Variants in PRELID2 observed in about 807,000 individuals in gnomAD.
PRELID2 encodes the protein PRELI domain-containing protein 2.
A neutral mutation model predicts 28.4 loss-of-function variants in PRELID2; 25 were observed. The ratio of observed to expected loss-of-function variants is 0.88; its 90% CI spans 0.64 to 1.23. The LOEUF (loss-of-function observed/expected upper bound fraction) is 1.23, where lower values mean the gene tolerates loss of function less well. PRELID2 is among the 50% of genes most tolerant of loss of function. PRELID2 has a pLI of 0.00. For missense variants in PRELID2, 201 were observed against 214.4 expected (o/e 0.94, Z 0.39); for synonymous variants, 76 against 71.6 (o/e 1.06, Z -0.31).
intron 1 of PRELID2, among the ~76,000 whole-genome samples, chr5:145,514,916 T>A (rs529437423): frequency 1.3e-5 from 2 of 152,198 alleles, no homozygotes; most frequent in East Asian, 3.9e-4. Flanking sequence ...ACTGGGTAAA[T>A]AACAAAATTA....
the PRELID2 span, among the ~76,000 whole-genome samples, chr5:145,392,814 C>T: frequency 1.3e-5 from 2 of 152,112 alleles, no homozygotes; most frequent in African/African-American, 2.4e-5. Flanking sequence ...GAATGTTCTT[C>T]CAAGTAAACT....
At chr5:145,229,649 C>T in the PRELID2 span, 1 of 871,336 alleles carries the variant, frequency 1.1e-6, no homozygotes, top group Non-Finnish European at 1.9e-6. Flanking sequence ...AGACAAAGGC[C>T]CAAGGTATCT....
At chr5:145,666,417 T>C (rs1754596197) in intron 1 of PRELID2, among the ~76,000 whole-genome samples, 2 of 151,942 alleles carry the variant, frequency 1.3e-5, no homozygotes, top group African/African-American at 4.8e-5. Context: ...TGGGAAAGAC[T>C]AGCTTCACCA....
At chr5:145,754,244 C>T (rs1164679145), downstream of PRELID2, 1 of 152,196 alleles carries the variant, frequency 6.6e-6, no homozygotes, top group Non-Finnish European at 1.5e-5. Context: ...GCTATTATCT[C>T]ACCAAAGGTA....
chr5:145,692,558 T>C (rs1224198776), intron 1 of PRELID2, among the ~76,000 whole-genome samples: 2 of 152,174 alleles, frequency 1.3e-5, no homozygotes, highest in African/African-American at 4.8e-5. Context: ...AAAGGTGACA[T>C]TTTGTCTAAC....
the PRELID2 span, among the ~76,000 whole-genome samples, chr5:145,440,002 C>T: frequency 6.6e-6 from 1 of 152,106 alleles, no homozygotes; most frequent in Non-Finnish European, 1.5e-5. Flanking sequence ...AGCTCTGTAT[C>T]TTCCAGGGAA....
the PRELID2 span, among the ~76,000 whole-genome samples, chr5:145,383,226 A>AAT: frequency 1.3e-5 from 2 of 151,554 alleles, no homozygotes; most frequent in East Asian, 1.9e-4. Context: ...CTTACACTCA[A>AAT]ATATATATAT....
chr5:145,455,610 T>C, the PRELID2 span, among the ~76,000 whole-genome samples: 1 of 152,200 alleles, frequency 6.6e-6, no homozygotes, highest in Non-Finnish European at 1.5e-5. Flanking sequence ...TGTGTCCTCT[T>C]CTATTTCCTT....
the PRELID2 span, among the ~76,000 whole-genome samples, chr5:145,390,565 A>G: frequency 6.6e-6 from 1 of 152,166 alleles, no homozygotes; most frequent in Non-Finnish European, 1.5e-5. Context: ...TCCTCCCACC[A>G]CAGGTGGGGA....
chr5:145,383,926 G>A, the PRELID2 span, among the ~76,000 whole-genome samples: 2 of 151,998 alleles, frequency 1.3e-5, no homozygotes, highest in African/African-American at 4.8e-5. Flanking sequence ...ATGTATGTGT[G>A]TGTATATATA....
intron 1 of PRELID2, among the ~76,000 whole-genome samples, chr5:145,667,548 C>A (rs939118016): frequency 6.6e-6 from 1 of 152,144 alleles, no homozygotes; most frequent in Middle Eastern, 3.4e-3. Flanking sequence ...CAGTGAGTGA[C>A]AGAGTCATCA....
the PRELID2 span, among the ~76,000 whole-genome samples, chr5:145,377,429 A>T: frequency 1.5e-3 from 233 of 152,066 alleles, no homozygotes; most frequent in African/African-American, 5.4e-3. Flanking sequence ...CAGGTCCTGA[A>T]TATCTTTGTG....
intron 5 of PRELID2, among the ~76,000 whole-genome samples, chr5:145,772,810 G>A (rs999841664): frequency 6.6e-6 from 1 of 152,140 alleles, no homozygotes; most frequent in South Asian, 2.1e-4. Context: ...TAATAAATAA[G>A]TCAGGTATTT....
At chr5:145,811,104 A>C (rs931182868) in intron 4 of PRELID2, among the ~76,000 whole-genome samples, 1 of 148,556 alleles carries the variant, frequency 6.7e-6, no homozygotes, top group Admixed American at 6.7e-5. Context: ...AAAAAAAAAA[A>C]AAAAAAAAAA....
chr5:145,816,841 AT>A (rs2149856266), intron 4 of PRELID2, among the ~76,000 whole-genome samples: 1 of 152,256 alleles, frequency 6.6e-6, no homozygotes, highest in South Asian at 2.1e-4. Context: ...TATGCAAATA[AT>A]ATCTCAATAA....
At chr5:145,640,208 C>T (rs544387973) in intron 1 of PRELID2, among the ~76,000 whole-genome samples, 6 of 151,820 alleles carry the variant, frequency 4.0e-5, no homozygotes, top group African/African-American at 4.8e-5. Flanking sequence ...GGCCGGCGGC[C>T]GGGCGCGGTG....
At chr5:145,428,083 G>A in the PRELID2 span, among the ~76,000 whole-genome samples, 114 of 151,978 alleles carry the variant, frequency 7.5e-4, 2 homozygotes, top group African/African-American at 2.5e-3. Flanking sequence ...CTCAGCATCC[G>A]GAGTAGCTGG....
the PRELID2 span, chr5:145,430,001 T>TCTGTATTA: frequency 1.3e-5 from 2 of 152,280 alleles, no homozygotes; most frequent in South Asian, 2.1e-4. Flanking sequence ...GAAAGGCCAG[T>TCTGTATTA]CTGTATTACC....
At chr5:145,459,510 C>G in the PRELID2 span, among the ~76,000 whole-genome samples, 2 of 152,032 alleles carry the variant, frequency 1.3e-5, no homozygotes, top group African/African-American at 4.8e-5. Context: ...CATAATCTAC[C>G]ATTTATATGT....
Sources: allele counts gnomAD v4.1 joint callset (sites outside exome capture counted in the v4.1 genomes callset), GRCh38; gene constraint gnomAD v4.1.1; transcripts MANE v1.5; gene names NCBI Gene and HGNC (gene_info 2026-07-23, HGNC 2026-07-21).